KIAA1328: variants seen among roughly 807,000 people sequenced by gnomAD.
KIAA1328 encodes the protein KIAA1328.
Under a neutral mutation model 68.1 loss-of-function variants are expected in KIAA1328, and 52 were observed. That is an observed-to-expected ratio of 0.76 (90% CI 0.61 to 0.96). The LOEUF is 0.96. Among genes scored for constraint, KIAA1328 ranks in the 40% least tolerant of loss-of-function variants. KIAA1328 has a pLI of 0.00. For missense variants in KIAA1328, 641 were observed against 677.6 expected (o/e 0.95, Z 0.60); for synonymous variants, 232 against 239.4 (o/e 0.97, Z 0.28).
chr18:37,004,443 T>C (rs189100574), intron 6 of KIAA1328, among the ~76,000 whole-genome samples: 7 of 152,080 alleles, frequency 4.6e-5, no homozygotes, highest in East Asian at 3.9e-4. Context: ...TAAAGTGGGC[T>C]AAGGACATGA....
At chr18:37,070,117 G>T in intron 7 of KIAA1328, among the ~76,000 whole-genome samples, 1 of 152,024 alleles carries the variant, frequency 6.6e-6, no homozygotes, top group African/African-American at 2.4e-5. Context: ...TAGTTTCCAA[G>T]TTCTTAAAGA....
At chr18:37,118,918 G>T (rs1195842481) in intron 7 of KIAA1328, among the ~76,000 whole-genome samples, 4 of 152,240 alleles carry the variant, frequency 2.6e-5, no homozygotes, top group South Asian at 2.1e-4. Context: ...AGTCCCACAA[G>T]CCATTGCCAC....
At chr18:37,000,876 A>G (rs553269532) in intron 6 of KIAA1328, among the ~76,000 whole-genome samples, 1 of 152,234 alleles carries the variant, frequency 6.6e-6, no homozygotes, top group East Asian at 1.9e-4. Flanking sequence ...CAAAACTTGT[A>G]GGATACAGCA....
chr18:36,930,134 C>A (rs957737380), intron 5 of KIAA1328, among the ~76,000 whole-genome samples: 2 of 152,106 alleles, frequency 1.3e-5, no homozygotes, highest in Admixed American at 1.3e-4. Context: ...TTGTTGCTCC[C>A]AGAAATGTCT....
At chr18:37,121,806 A>G (rs139377665) in intron 7 of KIAA1328, among the ~76,000 whole-genome samples, 1 of 152,118 alleles carries the variant, frequency 6.6e-6, no homozygotes, top group Non-Finnish European at 1.5e-5. Flanking sequence ...TTTTGAAGAG[A>G]TGCAGGCCTC....
intron 6 of KIAA1328, among the ~76,000 whole-genome samples, chr18:36,960,148 G>A (rs1466841458): frequency 6.6e-6 from 1 of 152,158 alleles, no homozygotes; most frequent in Non-Finnish European, 1.5e-5. Flanking sequence ...AGCAGACCAG[G>A]GGATTCTCTC....
At chr18:36,899,733 G>A (rs941438514) in intron 5 of KIAA1328, among the ~76,000 whole-genome samples, 14 of 151,920 alleles carry the variant, frequency 9.2e-5, no homozygotes, top group African/African-American at 3.4e-4. Flanking sequence ...ATATGTTAAA[G>A]AAATAGAATA....
intron 1 of KIAA1328, among the ~76,000 whole-genome samples, chr18:36,834,017 C>T (rs1568053108): frequency 6.6e-6 from 1 of 152,056 alleles, no homozygotes; most frequent in Non-Finnish European, 1.5e-5. Flanking sequence ...GCAGGGTAAC[C>T]CACTTGAGAG....
At chr18:36,845,317 T>A (rs1006629042) in intron 4 of KIAA1328, among the ~76,000 whole-genome samples, 1 of 151,768 alleles carries the variant, frequency 6.6e-6, no homozygotes, top group East Asian at 1.9e-4. Flanking sequence ...TGGGAAAACA[T>A]TTCATTGTTA....
chr18:37,174,130 T>G (rs545394843), intron 9 of KIAA1328, among the ~76,000 whole-genome samples: 2 of 152,312 alleles, frequency 1.3e-5, no homozygotes, highest in African/African-American at 4.8e-5. Flanking sequence ...TAATTTAATC[T>G]TCACAACCTT....
At chr18:37,045,260 A>G (rs1303160834) in intron 6 of KIAA1328, among the ~76,000 whole-genome samples, 1 of 152,120 alleles carries the variant, frequency 6.6e-6, no homozygotes, top group Non-Finnish European at 1.5e-5. Flanking sequence ...AATTTTTGCA[A>G]CTTCTCAGCT....
intron 5 of KIAA1328, among the ~76,000 whole-genome samples, chr18:36,953,403 TAGATAGATAGATAGATAG>T (rs2051253109): frequency 4.7e-5 from 7 of 148,414 alleles, no homozygotes; most frequent in Admixed American, 2.7e-4. Flanking sequence ...GATAGATAGA[TAGATAGATAGATAGATAG>T]AGATAGATAG....
intron 4 of KIAA1328, among the ~76,000 whole-genome samples, chr18:36,879,003 G>A (rs1331614415): frequency 6.6e-6 from 1 of 152,172 alleles, no homozygotes; most frequent in Non-Finnish European, 1.5e-5. Context: ...CCCACCTTCT[G>A]AAGCCTACTT....
chr18:36,947,826 CTT>C (rs2050964518), intron 5 of KIAA1328, among the ~76,000 whole-genome samples: 1 of 152,118 alleles, frequency 6.6e-6, no homozygotes, highest in Non-Finnish European at 1.5e-5. Flanking sequence ...GGGTAAAACA[CTT>C]TGATTTTTTT....
At chr18:37,077,645 A>G (rs2056789929) in intron 7 of KIAA1328, among the ~76,000 whole-genome samples, 1 of 151,020 alleles carries the variant, frequency 6.6e-6, no homozygotes, top group Non-Finnish European at 1.5e-5. Context: ...CTCAGGATAC[A>G]AAATCAATGT....
At chr18:37,075,334 A>C (rs985634619) in intron 7 of KIAA1328, 5 of 152,242 alleles carry the variant, frequency 3.3e-5, no homozygotes, top group Admixed American at 3.3e-4. Flanking sequence ...TGAAGGAAGC[A>C]CTAAACATGG....
chr18:36,940,725 G>T (rs1051646494), intron 5 of KIAA1328, among the ~76,000 whole-genome samples: 9 of 149,272 alleles, frequency 6.0e-5, no homozygotes, highest in Non-Finnish European at 3.0e-5. Context: ...CACCAGGCTG[G>T]AGTGCAGTGG....
At chr18:37,052,259 A>G (rs1205741660) in intron 6 of KIAA1328, among the ~76,000 whole-genome samples, 1 of 152,210 alleles carries the variant, frequency 6.6e-6, no homozygotes, top group Non-Finnish European at 1.5e-5. Context: ...TCACCTCAAT[A>G]GATGCAGAAA....
intron 9 of KIAA1328, among the ~76,000 whole-genome samples, chr18:37,188,066 A>T (rs975654736): frequency 2.0e-5 from 3 of 152,252 alleles, no homozygotes; most frequent in African/African-American, 4.8e-5. Context: ...TTGAAGCTCA[A>T]GAGCAATTGG....
Sources: allele counts gnomAD v4.1 joint callset (sites outside exome capture counted in the v4.1 genomes callset), GRCh38; gene constraint gnomAD v4.1.1; transcripts MANE v1.5; gene names NCBI Gene and HGNC (gene_info 2026-07-23, HGNC 2026-07-21).